Variants in CD300LG observed in about 807,000 individuals in gnomAD.
The protein encoded by CD300LG is CD300 molecule like family member g.
A neutral mutation model predicts 31.5 loss-of-function variants in CD300LG; 29 were observed. That is an observed-to-expected ratio of 0.92 (90% CI 0.68 to 1.25). CD300LG has a LOEUF of 1.25. Ranked by LOEUF, CD300LG falls within the 50% of genes most tolerant of loss-of-function variation. The probability of loss-of-function intolerance (pLI) is 0.00; values close to 1 mark genes in which losing one functional copy is unlikely to be tolerated. For synonymous variants in CD300LG, 175 were observed against 177.2 expected (o/e 0.99, Z 0.10); for missense variants, 396 against 417.6 (o/e 0.95, Z 0.45).
intron 6 of CD300LG, 159 bp downstream of exon 6, chr17:43,857,315 G>T (rs2046552385): frequency 6.8e-7 from 1 of 1,461,332 alleles, no homozygotes; most frequent in African/African-American, 1.4e-5. Flanking sequence ...TGAGCCCCAA[G>T]ATCAGCCCTT....
chr17:43,858,578 C>A, intron 6 of CD300LG: 1 of 985,382 alleles, frequency 1.0e-6, no homozygotes, highest in South Asian at 4.7e-5. Flanking sequence ...CTCTAGGGGG[C>A]GGCCCCTTGT....
chr17:43,857,748 A>G (rs1012114547), intron 6 of CD300LG: 1 of 1,533,508 alleles, frequency 6.5e-7, no homozygotes. Context: ...CCAAACAGAG[A>G]ACAGGACCCA....
chr17:43,854,251 G>T (rs2046447660), intron 4 of CD300LG, among the ~76,000 whole-genome samples: 1 of 152,264 alleles, frequency 6.6e-6, no homozygotes, highest in Non-Finnish European at 1.5e-5. Flanking sequence ...TGCCTGTCCA[G>T]TGTGAAGGGT....
chr17:43,857,608 G>T, intron 6 of CD300LG: 1 of 1,157,100 alleles, frequency 8.6e-7, no homozygotes, highest in Non-Finnish European at 1.3e-6. Flanking sequence ...CCCAGACCCA[G>T]CTGAACCCTC....
intron 2 of CD300LG, chr17:43,849,133 AT>A (rs2046275258): frequency 1.7e-6 from 1 of 595,470 alleles, no homozygotes; most frequent in South Asian, 2.1e-5. Flanking sequence ...CCGGACCCAG[AT>A]CTGTCCAGGG....
Position 43,849,957 on chromosome 17 carries a change from T to C in CD300LG, c.379+1064T>C, listed in dbSNP as rs546578112. On this transcript the variant is annotated intron_variant, in intron 2 of 6. Transcript: ENST00000317310. ...CTGTTCTTCATTATTTACAAGATTCTCTTATCTCTTCCAATTCTTATCAGT... is the reference window on the plus strand; with the variant it reads ...CTGTTCTTCATTATTTACAAGATTCCCTTATCTCTTCCAATTCTTATCAGT... 3.3e-5 allele frequency: 5 copies of C among 152,360 alleles called. No homozygotes were observed. In the East Asian group the frequency reaches 9.6e-4, roughly 29 times the overall value. 9.4% of individuals were successfully genotyped at this position (152,360 alleles called of 1,614,324 possible).
rs2046669894 is a variant in CD300LG, at chr17:43,862,370, G to A, written c.*459G>A. ...CTGCATCAGCTGGTGATGAAGAGGAGCATGCTGGGGTGAGACTGGGATTCT... is the reference window on the plus strand; with the variant it reads ...CTGCATCAGCTGGTGATGAAGAGGAACATGCTGGGGTGAGACTGGGATTCT... On this transcript the variant is annotated 3_prime_UTR_variant, in exon 7 of 7. Coordinates refer to ENST00000317310, the MANE Select transcript of CD300LG (RefSeq NM_145273.4). 1 of 152,416 alleles carries A rather than the reference G, an allele frequency of 6.6e-6. No homozygotes were observed. The highest frequency in any genetic ancestry group is 2.4e-5 in the African/African-American group (1 of 41,400). The allele number at this position is 152,416 out of a possible 1,614,324, so 9.4% of individuals were successfully genotyped here. A position where few individuals can be genotyped will look rare whatever the true frequency, so the allele number is the denominator to read the frequency against.
At chr17:43,861,123 C>G in intron 6 of CD300LG, 1 of 985,376 alleles carries the variant, frequency 1.0e-6, no homozygotes, top group Non-Finnish European at 1.2e-6. Flanking sequence ...CTGACCAAGT[C>G]TCTGTTACAG....
chr17:43,860,061 T>G (rs543267186), intron 6 of CD300LG, among the ~76,000 whole-genome samples: 3 of 152,228 alleles, frequency 2.0e-5, no homozygotes, highest in African/African-American at 7.2e-5. Context: ...CTAACAAGAT[T>G]TGGCTCAAAC....
chr17:43,858,138 G>C (rs527875586), intron 6 of CD300LG: 647 of 1,304,210 alleles, frequency 5.0e-4, no homozygotes, highest in Non-Finnish European at 5.8e-4. Flanking sequence ...CCTGGCGCCA[G>C]TGAGGACAAA....
intron 2 of CD300LG, chr17:43,849,436 T>G: frequency 6.3e-6 from 1 of 159,872 alleles, no homozygotes; most frequent in Non-Finnish European, 1.4e-5. Context: ...GGAACCAGCC[T>G]CTGGGTAGGA....
chr17:43,857,152 GC>G lies in CD300LG; in HGVS notation c.882del (p.Leu295Ter), dbSNP rs758114441. 1.9e-6 allele frequency: 3 copies of G among 1,614,060 alleles called. No individual in the cohort carries two copies. In the South Asian group the frequency reaches 3.3e-5, roughly 18 times the overall value. ...AGGAACGAGAAGTTCTGCCTCTCAC[GC>G]TTGGTAAGGACAGAGGCATATGGAA... Reference protein sequence around the residue: ...TQRNEKFCLSRLTAEEKEAPS... With the variant: ...TQRNEKFCLSXLTAEEKEAPS... On this transcript the variant is annotated frameshift_variant, in exon 6 of 7. Transcript: ENST00000317310. LOFTEE classifies it low-confidence loss of function (END_TRUNC).
At position 43,855,280 on chromosome 17, in the gene CD300LG, A is replaced by G. The variant is rs757044973; in HGVS notation, c.793A>G (p.Ile265Val). 3.1e-6 allele frequency: 5 copies of G among 1,604,930 alleles called. 1 individual carries two copies. The South Asian group carries it at 4.5e-5, about 14-fold the overall frequency. ...LLSLLSAAGLIAFCSHLLLWR... is the reference protein window; with the variant it reads ...LLSLLSAAGLVAFCSHLLLWR... ...GAGCCTTCTGTCAGCCGCAGGCCTG[A>G]TCGCCTTCTGCAGCCACCTGCTCCT... The change falls in exon 5 of 7, where the codon ATC becomes GTC. Residue 265 changes from isoleucine to valine, a missense_variant. Transcript: ENST00000317310.
rs771133413 is a variant in CD300LG, at chr17:43,848,668, A to C, written c.154A>C (p.Arg52=). 7.4e-6 allele frequency: 12 copies of C among 1,614,154 alleles called. No homozygotes were observed. The highest frequency in any genetic ancestry group is 1.0e-5 in the Non-Finnish European group (12 of 1,180,028). Residue 52 remains arginine, a synonymous_variant, in exon 2 of 7, where the codon AGG becomes CGG. Coordinates refer to ENST00000317310, the MANE Select transcript of CD300LG (RefSeq NM_145273.4). The part of the protein sequence containing the change: ...ELRDHRKYWC[R]KGGILFSRCS... ...GAGGGACCACCGGAAGTACTGGTGC[A>C]GGAAGGGTGGGATCCTCTTCTCTCG...
intron 2 of CD300LG, among the ~76,000 whole-genome samples, chr17:43,850,469 A>C (rs1465155779): frequency 3.3e-5 from 5 of 151,804 alleles, no homozygotes; most frequent in Non-Finnish European, 5.9e-5. Context: ...TCATTCATTC[A>C]TTCATTCATT....
chr17:43,847,327 C>T, intron 1 of CD300LG, 68 bp downstream of exon 1: 1 of 1,471,082 alleles, frequency 6.8e-7, no homozygotes, highest in Non-Finnish European at 9.2e-7. Context: ...GAAAGGACCT[C>T]TTGACTGACT....
Position 43,848,326 on chromosome 17 carries a change from T to C in CD300LG, c.44-232T>C, listed in dbSNP as rs1263244868. Among the ~76,000 whole-genome samples the C allele has an allele frequency of 3.3e-5, 5 of 152,328 alleles. No individual in the cohort carries two copies. In the East Asian group the frequency reaches 9.6e-4, roughly 29 times the overall value. ...CTGGCTGTCAGATTCTATCTGAATC[T>C]AGAACGCCACCCCTGCACCCCAATT... On this transcript the variant is annotated intron_variant, in intron 1 of 6. Coordinates refer to ENST00000317310, the MANE Select transcript of CD300LG (RefSeq NM_145273.4).
intron 6 of CD300LG, chr17:43,861,193 G>A: frequency 2.0e-6 from 2 of 985,394 alleles, no homozygotes; most frequent in Non-Finnish European, 2.4e-6. Flanking sequence ...GGCCCATGGG[G>A]TCTCTCACCA....
At chr17:43,861,134 C>T in intron 6 of CD300LG, 1 of 985,412 alleles carries the variant, frequency 1.0e-6, no homozygotes, top group South Asian at 4.7e-5. Context: ...TCTGTTACAG[C>T]CACTGGGGAA....
Sources: allele counts gnomAD v4.1 joint callset (sites outside exome capture counted in the v4.1 genomes callset), GRCh38; gene constraint gnomAD v4.1.1; transcripts MANE v1.5; gene names NCBI Gene and HGNC (gene_info 2026-07-23, HGNC 2026-07-21).